The following RANBP17 variants were observed in gnomAD, a reference collection of about 807,000 sequenced individuals.
RANBP17 encodes ran-binding protein 17.
In RANBP17, 158 loss-of-function variants were observed where a neutral mutation model predicts 141.2. That is an observed-to-expected ratio of 1.12 (90% CI 0.98 to 1.28). RANBP17 has a LOEUF of 1.28. Among genes scored for constraint, RANBP17 ranks in the 50% most tolerant of loss-of-function variants. RANBP17 has a pLI of 0.00. For missense variants in RANBP17, 1,438 were observed against 1,290.7 expected (o/e 1.11, Z -1.75); for synonymous variants, 430 against 450.0 (o/e 0.96, Z 0.56).
In RANBP17 at chr5:171,259,671, G is replaced by A. The variant is rs1766150210; in HGVS notation, c.2777-6010G>A. ...GAGCTCAAAAATTTAATCACGTGGA[G>A]GTAGAGAATGGAAAGATAGATAACA... is the stretch of plus-strand genomic sequence containing the variant. On this transcript the variant is annotated intron_variant, in intron 24 of 27. Transcript: ENST00000523189. Among the ~76,000 whole-genome samples, 4 of 152,152 alleles carry A rather than the reference G, an allele frequency of 2.6e-5. No individual in the cohort carries two copies. The South Asian group carries it at 8.3e-4, about 32-fold the overall frequency.
chr5:170,904,290 A>G lies in RANBP17; in HGVS notation c.490-5371A>G, dbSNP rs150600756. 480 of 260,672 alleles carry G rather than the reference A, an allele frequency of 1.8e-3. 2 individuals carry two copies. The highest frequency in any genetic ancestry group is 0.01 in the African/African-American group (449 of 43,880). 16.1% of individuals were successfully genotyped at this position (260,672 alleles called of 1,614,324 possible). ...AAAGAGAGATTCATGAGGCTCTACAAGAAAAAAGCTCACCTTCATCACTGT... is the reference window on the plus strand; with the variant it reads ...AAAGAGAGATTCATGAGGCTCTACAGGAAAAAAGCTCACCTTCATCACTGT... On this transcript the variant is annotated intron_variant, in intron 5 of 27. Transcript: ENST00000523189.
intron 21 of RANBP17, among the ~76,000 whole-genome samples, chr5:171,215,479 A>G (rs905814797): frequency 6.6e-6 from 1 of 152,212 alleles, no homozygotes; most frequent in African/African-American, 2.4e-5. Flanking sequence ...GAATCACCAC[A>G]CTGTCTTCCA....
Position 171,113,556 on chromosome 5 carries a change from T to C in RANBP17, c.1711-56574T>C, listed in dbSNP as rs138200357. On this transcript the variant is annotated intron_variant, in intron 14 of 27. Transcript: ENST00000523189. Reference sequence around the variant, plus strand: ...CTCTTGAAATAAATTATTTAATTTATACAGTGGTTCCTCCAAGGTAGGTGC... The same window carrying C: ...CTCTTGAAATAAATTATTTAATTTACACAGTGGTTCCTCCAAGGTAGGTGC... Among the ~76,000 whole-genome samples, 735 of 152,294 alleles carry C rather than the reference T, an allele frequency of 4.8e-3. 7 individuals carry two copies. The highest frequency in any genetic ancestry group is 0.017 in the African/African-American group (705 of 41,574).
intron 22 of RANBP17, among the ~76,000 whole-genome samples, chr5:171,236,651 C>A (rs906015906): frequency 3.3e-5 from 5 of 152,140 alleles, no homozygotes; most frequent in African/African-American, 1.2e-4. Flanking sequence ...AAAAACTGAG[C>A]CCCAAGTACT....
chr5:171,044,623 A>G (rs966788927), intron 14 of RANBP17, among the ~76,000 whole-genome samples: 2 of 152,082 alleles, frequency 1.3e-5, no homozygotes, highest in Non-Finnish European at 2.9e-5. Context: ...TACTGTTATA[A>G]TTGAATCACA....
At chr5:171,141,621 CAAAAAAAA>C (rs10691735) in intron 14 of RANBP17, among the ~76,000 whole-genome samples, 1 of 55,318 alleles carries the variant, frequency 1.8e-5, no homozygotes, top group Non-Finnish European at 3.0e-5. Flanking sequence ...GACTCCATCT[CAAAAAAAA>C]AAAAAAAAAA....
At chr5:171,194,694 A>C (rs778728307) in intron 18 of RANBP17, among the ~76,000 whole-genome samples, 1 of 152,208 alleles carries the variant, frequency 6.6e-6, no homozygotes, top group Non-Finnish European at 1.5e-5. Flanking sequence ...TGTGTGGACA[A>C]ATATTTACAG....
At chr5:170,983,013 C>T in intron 14 of RANBP17, 1 of 438,260 alleles carries the variant, frequency 2.3e-6, no homozygotes, top group Non-Finnish European at 4.3e-6. Flanking sequence ...AGAATAAAGA[C>T]CTTTTCACTC....
At chr5:171,267,409 C>A (rs1581152508) in intron 25 of RANBP17, among the ~76,000 whole-genome samples, 1 of 152,096 alleles carries the variant, frequency 6.6e-6, no homozygotes, top group East Asian at 1.9e-4. Flanking sequence ...CAGTTGTTTT[C>A]TTTTGCCAAA....
intron 11 of RANBP17, among the ~76,000 whole-genome samples, chr5:170,922,234 G>A (rs1350172929): frequency 6.6e-6 from 1 of 152,122 alleles, no homozygotes; most frequent in East Asian, 1.9e-4. Flanking sequence ...CCTGTTTGAG[G>A]TGTCTGTCAG....
intron 1 of RANBP17, 72 bp downstream of exon 1, chr5:170,862,123 A>G: frequency 7.3e-7 from 1 of 1,373,458 alleles, no homozygotes; most frequent in East Asian, 3.1e-5. Context: ...CTGGAGACCG[A>G]GGGCCGAGGA....
rs558948157 is a variant in RANBP17 at position 171,240,851 on chromosome 5, A to C, written c.2423-77A>C. 6 of 899,450 alleles carry C rather than the reference A, an allele frequency of 6.7e-6. No homozygotes were observed. The East Asian group carries it at 1.5e-4, about 22-fold the overall frequency. The allele number at this position is 899,450 out of a possible 1,614,324, so 55.7% of individuals were successfully genotyped here. On this transcript the variant is annotated intron_variant, in intron 22 of 27. Transcript: ENST00000523189. Reference sequence around the variant, plus strand: ...GAAGTGAACATTAGCAGTAAAGTAAAAATGTTAAATAGTGTGTCCCATAAC... The same window carrying C: ...GAAGTGAACATTAGCAGTAAAGTAACAATGTTAAATAGTGTGTCCCATAAC...
chr5:171,276,105 G>A (rs995379173), intron 25 of RANBP17, among the ~76,000 whole-genome samples: 1 of 152,186 alleles, frequency 6.6e-6, no homozygotes, highest in Non-Finnish European at 1.5e-5. Context: ...CCTGCTACTG[G>A]TGCACAGCAT....
intron 14 of RANBP17, among the ~76,000 whole-genome samples, chr5:171,086,292 C>CCTTG (rs1561636657): frequency 6.8e-6 from 1 of 147,594 alleles, no homozygotes; most frequent in African/African-American, 2.5e-5. Flanking sequence ...ATTGAACCAG[C>CCTTG]CTTGCATCCC....
At chr5:171,124,079 A>G (rs1756246830) in intron 14 of RANBP17, among the ~76,000 whole-genome samples, 1 of 152,132 alleles carries the variant, frequency 6.6e-6, no homozygotes, top group South Asian at 2.1e-4. Flanking sequence ...AAATAATGAT[A>G]AGATACAAGA....
intron 14 of RANBP17, among the ~76,000 whole-genome samples, chr5:171,070,140 C>G (rs1310900250): frequency 3.3e-5 from 5 of 152,068 alleles, no homozygotes; most frequent in Non-Finnish European, 7.4e-5. Flanking sequence ...TAAGCAAGTT[C>G]TATTAATTAG....
intron 14 of RANBP17, among the ~76,000 whole-genome samples, chr5:171,061,116 C>A (rs1783811109): frequency 6.6e-6 from 1 of 152,056 alleles, no homozygotes; most frequent in South Asian, 2.1e-4. Flanking sequence ...AAACCAGCTC[C>A]TGGATTCATT....
At chr5:170,970,471 T>C (rs1162107639) in intron 14 of RANBP17, 1 of 152,130 alleles carries the variant, frequency 6.6e-6, no homozygotes, top group African/African-American at 2.4e-5. Flanking sequence ...GCATACTTTA[T>C]ATGTGGTAAA....
chr5:171,005,728 G>T (rs1181983428), intron 14 of RANBP17, among the ~76,000 whole-genome samples: 2 of 152,246 alleles, frequency 1.3e-5, no homozygotes, highest in East Asian at 1.9e-4. Context: ...GGCAACAAAA[G>T]CCAGAATTGA....
Sources: allele counts gnomAD v4.1 joint callset (sites outside exome capture counted in the v4.1 genomes callset), GRCh38; gene constraint gnomAD v4.1.1; transcripts MANE v1.5; gene names NCBI Gene and HGNC (gene_info 2026-07-23, HGNC 2026-07-21).